The following DHX34 variants were observed in gnomAD, a reference collection of about 807,000 sequenced individuals.
DHX34 encodes the protein DExH-box helicase 34.
Under a neutral mutation model 111.1 loss-of-function variants are expected in DHX34, and 96 were observed. The observed-to-expected ratio is 0.86, with a 90% CI of 0.73 to 1.02. The LOEUF (loss-of-function observed/expected upper bound fraction) is 1.02, where lower values mean the gene tolerates loss of function less well. Among genes scored for constraint, DHX34 ranks in the 50% least tolerant of loss-of-function variants. DHX34 has a pLI of 0.00. For synonymous variants in DHX34, 688 were observed against 670.4 expected, an observed-to-expected ratio of 1.03 and a Z score of -0.41; for missense variants, 1,560 against 1,579.9, an observed-to-expected ratio of 0.99 and a Z score of 0.21.
rs563288918 is a variant in DHX34 at position 47,377,062 on chromosome 19, G to T, written c.2600-38G>T. 128 of 1,612,678 alleles carry T rather than the reference G, an allele frequency of 7.9e-5. 1 individual carries two copies. The South Asian group carries it at 1.3e-3, about 17-fold the overall frequency. ...GCGGGCTTCTGATGGGCCTGGGTGG[G>T]CCAGGGTGGGCCTGAGCGGTCCTCC... On this transcript the variant is annotated intron_variant, in intron 12 of 16. Coordinates refer to ENST00000328771, the MANE Select transcript of DHX34 (RefSeq NM_014681.6).
At chr19:47,357,822 T>C (rs1166572804) in intron 3 of DHX34, 44 bp from the exon 4 acceptor site, 2 of 1,587,586 alleles carry the variant, frequency 1.3e-6, no homozygotes, top group Admixed American at 3.4e-5. Flanking sequence ...TGCTCTGAGC[T>C]GGAGGGACAG....
chr19:47,375,889 T>C, intron 10 of DHX34, 35 bp from the exon 11 acceptor site: 1 of 1,558,550 alleles, frequency 6.4e-7, no homozygotes, highest in Admixed American at 2.2e-5. Context: ...GCCCCTCAGG[T>C]CCCCTAAGAC....
chr19:47,355,778 G>A (rs1054727547), intron 3 of DHX34, among the ~76,000 whole-genome samples: 1 of 152,012 alleles, frequency 6.6e-6, no homozygotes, highest in African/African-American at 2.4e-5. Flanking sequence ...CGTGAACCTG[G>A]GAGGCGGAGC....
At chr19:47,376,957 T>A (rs1179611775) in intron 12 of DHX34, 143 bp from the exon 13 acceptor site, 8 of 1,542,460 alleles carry the variant, frequency 5.2e-6, no homozygotes, top group Non-Finnish European at 7.0e-6. Flanking sequence ...TTGGCTGACC[T>A]TCTTGTCTGA....
At chr19:47,375,227 A>T in intron 9 of DHX34, 1 of 949,380 alleles carries the variant, frequency 1.1e-6, no homozygotes, top group East Asian at 1.2e-4. Flanking sequence ...CAGCTGTGGG[A>T]AAAGGCACTG....
rs780056763 is a variant in DHX34, at chr19:47,375,657, G to C, written c.2256G>C (p.Glu752Asp). 9.6e-6 allele frequency: 15 copies of C among 1,556,934 alleles called. No individual in the cohort carries two copies. In the South Asian group the frequency reaches 1.6e-4, roughly 17 times the overall value. Reference protein sequence around the residue: ...QEEQDGGSSDEDRAGPAPPGA... With the variant: ...QEEQDGGSSDDDRAGPAPPGA... ...AGCAGGACGGCGGCTCCAGTGACGA[G>C]GACAGGGCTGGCCCAGCCCCCCCAG... The change falls in exon 10 of 17, where the codon GAG (glutamate) becomes GAC (aspartate). Residue 752 changes from glutamate (E) to aspartate (D), a missense_variant. By Grantham distance (45) the Glu-to-Asp change is conservative. Coordinates refer to ENST00000328771, the MANE Select transcript of DHX34 (RefSeq NM_014681.6).
chr19:47,380,101 T>A, intron 14 of DHX34, 116 bp downstream of exon 14: 1 of 1,429,762 alleles, frequency 7.0e-7, no homozygotes, highest in Non-Finnish European at 9.2e-7. Flanking sequence ...CATTTGGGGG[T>A]TTTCAGGCCA....
chr19:47,364,431 C>G (rs1969729729), intron 6 of DHX34, among the ~76,000 whole-genome samples: 1 of 151,718 alleles, frequency 6.6e-6, no homozygotes, highest in African/African-American at 2.4e-5. Flanking sequence ...TTGATTTCAT[C>G]TTTTAAAAAA....
chr19:47,367,236 G>T, intron 7 of DHX34, 81 bp downstream of exon 7: 1 of 1,315,906 alleles, frequency 7.6e-7, no homozygotes, highest in Non-Finnish European at 9.8e-7. Context: ...TGGCCTGGGG[G>T]CAAGTCTGTT....
At position 47,369,407 on chromosome 19, in the gene DHX34, G is replaced by A. The variant is rs566338845; in HGVS notation, c.1768+2252G>A. Among the ~76,000 whole-genome samples the A allele has an allele frequency of 2.0e-5, 3 of 152,304 alleles. No homozygotes were observed. In the East Asian group the frequency reaches 5.8e-4, roughly 29 times the overall value. ...TCTGCCCACTTCGGCCTTTCAAACT[G>A]CTGGGATTACAGGTGTGAGCCACAG... On this transcript the variant is annotated intron_variant, in intron 7 of 16. Coordinates refer to ENST00000328771, the MANE Select transcript of DHX34 (RefSeq NM_014681.6).
chr19:47,371,031 A>C (rs566833388), intron 7 of DHX34, among the ~76,000 whole-genome samples: 1 of 152,340 alleles, frequency 6.6e-6, no homozygotes, highest in Admixed American at 6.5e-5. Flanking sequence ...ACTGAGAAGC[A>C]GAAGAATGTT....
intron 2 of DHX34, among the ~76,000 whole-genome samples, chr19:47,354,542 T>G (rs753329909): frequency 7.2e-5 from 11 of 152,224 alleles, no homozygotes; most frequent in Non-Finnish European, 1.5e-4. Context: ...GGGATGGCAT[T>G]GCCTGCCCAA....
At chr19:47,357,406 C>T (rs1290232203) in intron 3 of DHX34, among the ~76,000 whole-genome samples, 1 of 152,094 alleles carries the variant, frequency 6.6e-6, no homozygotes, top group Non-Finnish European at 1.5e-5. Flanking sequence ...TTATTACATC[C>T]TTCAGAAATT....
rs757380201 is a variant in DHX34 at position 47,380,804 on chromosome 19, C to G, written c.2983-12C>G. Reference sequence around the variant, plus strand: ...GTCTGTCTCTCTCCATTTCCTGTCTCTCCTTCCTTAGATTCCTTACAGCCT... The same window carrying G: ...GTCTGTCTCTCTCCATTTCCTGTCTGTCCTTCCTTAGATTCCTTACAGCCT... On this transcript the variant is annotated splice_polypyrimidine_tract_variant and intron_variant, in intron 14 of 16. Transcript: ENST00000328771. 6.2e-7 allele frequency: 1 copy of G among 1,613,588 alleles called. No individual in the cohort carries two copies. The highest frequency in any genetic ancestry group is 8.5e-7 in the Non-Finnish European group (1 of 1,179,776).
At chr19:47,361,366 G>C in intron 5 of DHX34, among the ~76,000 whole-genome samples, 1 of 152,036 alleles carries the variant, frequency 6.6e-6, no homozygotes, top group Non-Finnish European at 1.5e-5. Context: ...GCTGAAGTGG[G>C]AGAATCACCT....
intron 7 of DHX34, among the ~76,000 whole-genome samples, chr19:47,372,445 CAGG>C (rs1173618974): frequency 2.0e-5 from 3 of 152,098 alleles, no homozygotes; most frequent in Admixed American, 6.6e-5. Context: ...AACTTGGTGA[CAGG>C]AGTAGTCAGC....
rs760422732 is a variant in DHX34, at chr19:47,380,891, A to AC, written c.3064dup (p.His1022ProfsTer24). On this transcript the variant is annotated frameshift_variant, in exon 15 of 17. Coordinates refer to ENST00000328771, the MANE Select transcript of DHX34 (RefSeq NM_014681.6). LOFTEE classifies it high-confidence loss of function. ...TGTGGGACCCCAGACCATCCCAGCC[A>AC]CCCCCCATCTTCCTGGCCTCTTTGG... The AC allele has an allele frequency of 1.9e-6, 3 of 1,577,350 alleles. No individual in the cohort carries two copies. The highest frequency in any genetic ancestry group is 1.7e-6 in the Non-Finnish European group (2 of 1,160,256).
chr19:47,376,116 C>T lies in DHX34; in HGVS notation c.2481+19C>T, dbSNP rs1970147534. ...AGACCAGGTGGGGCCTGTTCTGCCCCATCCTATGTTTTGTCCTCCAACACA... is the reference window on the plus strand; with the variant it reads ...AGACCAGGTGGGGCCTGTTCTGCCCTATCCTATGTTTTGTCCTCCAACACA... On this transcript the variant is annotated intron_variant, in intron 11 of 16. Coordinates refer to ENST00000328771, the MANE Select transcript of DHX34 (RefSeq NM_014681.6). 1 of 1,533,564 alleles carries T rather than the reference C, an allele frequency of 6.5e-7. No individual in the cohort carries two copies. Among genetic ancestry groups the T allele is most frequent in the Non-Finnish European group, 8.8e-7 (1 of 1,142,846 alleles). 95.0% of individuals were successfully genotyped at this position (1,533,564 alleles called of 1,614,324 possible).
chr19:47,351,396 TCAAAA>T (rs1969283970), intron 1 of DHX34, among the ~76,000 whole-genome samples: 1 of 151,706 alleles, frequency 6.6e-6, no homozygotes, highest in Middle Eastern at 3.4e-3. Flanking sequence ...AGACTCCATC[TCAAAA>T]CAAAAAAGAC....
Sources: gnomAD v4.1 joint callset for allele counts (sites outside exome capture counted in the v4.1 genomes callset) on GRCh38, gnomAD v4.1.1 for gene constraint, MANE v1.5 for transcripts, NCBI Gene and HGNC (gene_info 2026-07-23, HGNC 2026-07-21) for gene names.